The following SORCS1 variants were observed in gnomAD, a reference collection of about 807,000 sequenced individuals.
SORCS1 encodes VPS10 domain-containing receptor SorCS1.
In SORCS1, 60 loss-of-function variants were observed where a neutral mutation model predicts 146.1. That is an observed-to-expected ratio of 0.41 (90% confidence interval 0.33 to 0.51). The LOEUF (loss-of-function observed/expected upper bound fraction) is 0.51, where lower values mean the gene tolerates loss of function less well. Ranked by LOEUF, SORCS1 falls within the 20% of genes least tolerant of loss-of-function variation. The pLI is 0.21. For synonymous variants in SORCS1, 637 were observed against 584.0 expected (o/e 1.09, Z -1.31); for missense variants, 1,352 against 1,487.6 (o/e 0.91, Z 1.50).
chr10:106,574,081 TA>T lies in SORCS1; in HGVS notation c.*3338del, dbSNP rs1844480416. On this transcript the variant is annotated 3_prime_UTR_variant, in exon 26 of 26. Coordinates refer to ENST00000263054, the MANE Select transcript of SORCS1 (RefSeq NM_052918.5). The stretch of plus-strand genomic sequence containing the variant: ...TTTTTTAATTGGCTTCCTATAAAAA[TA>T]AGTCGGCAAATGAGAGATTTCAATG... 1 of 150,746 alleles carries T rather than the reference TA, an allele frequency of 6.6e-6. No individual in the cohort carries two copies. Among genetic ancestry groups the T allele is most frequent in the Admixed American group, 6.7e-5 (1 of 15,004 alleles). 9.3% of individuals were successfully genotyped at this position (150,746 alleles called of 1,614,324 possible).
intron 1 of SORCS1, among the ~76,000 whole-genome samples, chr10:107,101,543 C>T (rs1590138413): frequency 1.3e-5 from 2 of 152,092 alleles, no homozygotes; most frequent in East Asian, 1.9e-4. Context: ...AAGTAAAATT[C>T]CCCTGTGCTT....
At chr10:106,707,603 G>C (rs1259648118) in intron 7 of SORCS1, among the ~76,000 whole-genome samples, 4 of 152,150 alleles carry the variant, frequency 2.6e-5, no homozygotes, top group South Asian at 2.1e-4. Flanking sequence ...GGGCTCAAGT[G>C]ATCCTCCCCA....
chr10:107,138,369 T>G (rs1297179505), intron 1 of SORCS1, among the ~76,000 whole-genome samples: 1 of 152,256 alleles, frequency 6.6e-6, no homozygotes, highest in African/African-American at 2.4e-5. Context: ...TATTATTCTT[T>G]ACGAGGATCT....
Position 106,794,129 on chromosome 10 carries a change from C to T in SORCS1, c.727-17437G>A, listed in dbSNP as rs535233193. On this transcript the variant is annotated intron_variant, in intron 3 of 25. Coordinates refer to ENST00000263054, the MANE Select transcript of SORCS1 (RefSeq NM_052918.5). ...TTCTATTTGATGTAGATAATATTGG[C>T]CCAAAGAGCACTGTTTAACAGATTT... Among the ~76,000 whole-genome samples the T allele has an allele frequency of 3.2e-4, 48 of 152,242 alleles. No individual in the cohort carries two copies. The South Asian group carries it at 3.3e-3, about 11-fold the overall frequency.
chr10:106,574,532 T>C lies in SORCS1; in HGVS notation c.*2888A>G, dbSNP rs1421295287. ...GCCTAGTACAATGGTTCTCAAACTT[T>C]AGTATGTATCACAATCACTGGGAGG... On this transcript the variant is annotated 3_prime_UTR_variant, in exon 26 of 26. Transcript: ENST00000263054. The C allele has an allele frequency of 1.3e-5, 2 of 152,592 alleles. No individual in the cohort carries two copies. Among genetic ancestry groups the C allele is most frequent in the Non-Finnish European group, 1.5e-5 (1 of 68,032 alleles). 9.5% of individuals were successfully genotyped at this position (152,592 alleles called of 1,614,324 possible). A position where few individuals can be genotyped will look rare whatever the true frequency, so the allele number is the denominator to read the frequency against.
intron 1 of SORCS1, among the ~76,000 whole-genome samples, chr10:106,985,198 C>T (rs34265651): frequency 0.22 from 33,698 of 151,870 alleles, 4,505 homozygotes; most frequent in Middle Eastern, 0.33. Flanking sequence ...AAAATGAATA[C>T]ATAAATAAAT....
intron 2 of SORCS1, among the ~76,000 whole-genome samples, chr10:106,920,807 T>G (rs1439970845): frequency 6.6e-6 from 1 of 152,296 alleles, no homozygotes; most frequent in East Asian, 1.9e-4. Flanking sequence ...TGTGGTCTTA[T>G]GACCTGGATG....
intron 1 of SORCS1, among the ~76,000 whole-genome samples, chr10:107,128,947 A>G (rs1334144567): frequency 6.6e-6 from 1 of 152,230 alleles, no homozygotes. Context: ...AGGTCTGCCT[A>G]AAAACATATA....
intron 1 of SORCS1, among the ~76,000 whole-genome samples, chr10:107,039,781 T>C (rs554146882): frequency 4.6e-5 from 7 of 152,314 alleles, no homozygotes; most frequent in African/African-American, 1.7e-4. Flanking sequence ...TAAATAAACA[T>C]TTCTTCACAG....
intron 23 of SORCS1, among the ~76,000 whole-genome samples, chr10:106,604,389 C>T (rs1245280410): frequency 6.6e-6 from 1 of 152,158 alleles, no homozygotes; most frequent in Admixed American, 6.5e-5. Flanking sequence ...AGGGTCTAGA[C>T]ATGCACCTTG....
chr10:106,930,933 C>G (rs1360329537), intron 2 of SORCS1, among the ~76,000 whole-genome samples: 1 of 152,122 alleles, frequency 6.6e-6, no homozygotes, highest in Non-Finnish European at 1.5e-5. Context: ...GTTTTGCAAT[C>G]AGAATTTCCT....
intron 21 of SORCS1, 94 bp from the exon 22 acceptor site, chr10:106,612,117 T>G: frequency 1.1e-6 from 1 of 910,268 alleles, no homozygotes; most frequent in Non-Finnish European, 1.7e-6. Context: ...GGAGGGTCCT[T>G]CCCCTTCACT....
chr10:107,132,631 C>A (rs551054317), intron 1 of SORCS1, among the ~76,000 whole-genome samples: 1 of 152,262 alleles, frequency 6.6e-6, no homozygotes, highest in South Asian at 2.1e-4. Flanking sequence ...CAAATTAATA[C>A]TGTAAACATA....
intron 17 of SORCS1, among the ~76,000 whole-genome samples, chr10:106,660,553 T>C (rs1196311766): frequency 6.6e-6 from 1 of 152,200 alleles, no homozygotes; most frequent in Non-Finnish European, 1.5e-5. Context: ...ATAACTATTT[T>C]GCTAGAATTT....
intron 18 of SORCS1, among the ~76,000 whole-genome samples, chr10:106,642,698 A>G (rs1265327587): frequency 2.0e-5 from 3 of 152,198 alleles, no homozygotes; most frequent in African/African-American, 7.2e-5. Context: ...TGCTGCATTC[A>G]TATCCTATGT....
chr10:107,091,194 A>G (rs1044151915), intron 1 of SORCS1, among the ~76,000 whole-genome samples: 10 of 152,214 alleles, frequency 6.6e-5, no homozygotes, highest in African/African-American at 2.2e-4. Context: ...TCTTCTACTA[A>G]TCCCTTCCTG....
At chr10:106,761,808 A>G (rs1890457) in intron 4 of SORCS1, 147 bp from the exon 5 acceptor site, 283,339 of 655,078 alleles carry the variant, frequency 0.43, 62,489 homozygotes, top group African/African-American at 0.55. Context: ...CATGTGTACC[A>G]TCTCTATTCC....
intron 5 of SORCS1, among the ~76,000 whole-genome samples, chr10:106,731,092 A>G (rs1375883423): frequency 6.6e-6 from 1 of 151,040 alleles, no homozygotes; most frequent in African/African-American, 2.4e-5. Context: ...GGCGGATCAC[A>G]AGGTCAGGAG....
intron 24 of SORCS1, among the ~76,000 whole-genome samples, chr10:106,594,668 G>A (rs975756210): frequency 1.3e-5 from 2 of 152,112 alleles, no homozygotes; most frequent in Non-Finnish European, 2.9e-5. Flanking sequence ...CAAGGTCTCC[G>A]GACTAAAAAA....
Sources: allele counts gnomAD v4.1 joint callset (sites outside exome capture counted in the v4.1 genomes callset), GRCh38; gene constraint gnomAD v4.1.1; transcripts MANE v1.5; gene names NCBI Gene and HGNC (gene_info 2026-07-23, HGNC 2026-07-21).